The following PKIG variants were observed in gnomAD, a reference collection of about 807,000 sequenced individuals.
PKIG encodes the protein cAMP-dependent protein kinase inhibitor gamma, also known as protein kinase (cAMP-dependent, catalytic) inhibitor gamma.
In PKIG, 1 loss-of-function variant was observed where a neutral mutation model predicts 6.8. The observed-to-expected ratio is 0.15, with a 90% CI of 0.05 to 0.69. The LOEUF (loss-of-function observed/expected upper bound fraction) is 0.69, where lower values mean the gene tolerates loss of function less well. PKIG is among the 30% of genes least tolerant of loss of function. The pLI, the probability that PKIG is intolerant of heterozygous loss-of-function variation, is 0.82. For missense variants in PKIG, 77 were observed against 104.0 expected, an observed-to-expected ratio of 0.74 and a Z score of 1.13; for synonymous variants, 39 against 43.0, an observed-to-expected ratio of 0.91 and a Z score of 0.36.
chr20:44,532,047 G>A (rs2064470722), intron 1 of PKIG: 1 of 152,234 alleles, frequency 6.6e-6, no homozygotes, highest in African/African-American at 2.4e-5. Flanking sequence ...GTCGCAGGGG[G>A]CGAGGGGCTG....
At chr20:44,547,073 G>A (rs1223379661) in intron 1 of PKIG, among the ~76,000 whole-genome samples, 19 of 152,080 alleles carry the variant, frequency 1.2e-4, no homozygotes, top group Admixed American at 1.2e-3. Context: ...TCCTTCCTTG[G>A]ACCTCTGTAC....
At chr20:44,545,179 A>G (rs1190262606) in intron 1 of PKIG, among the ~76,000 whole-genome samples, 2 of 151,478 alleles carry the variant, frequency 1.3e-5, no homozygotes, top group Non-Finnish European at 2.9e-5. Context: ...CAGGTGATCC[A>G]CCCACCTTGG....
upstream of PKIG, among the ~76,000 whole-genome samples, chr20:44,579,307 G>A (rs1206736074): frequency 6.6e-6 from 1 of 152,320 alleles, no homozygotes; most frequent in Non-Finnish European, 1.5e-5. Flanking sequence ...GGGGTAAAAG[G>A]TGGAATTAAA....
intron 2 of PKIG, among the ~76,000 whole-genome samples, chr20:44,590,170 G>C (rs1271750719): frequency 1.3e-5 from 2 of 152,146 alleles, no homozygotes; most frequent in Non-Finnish European, 2.9e-5. Flanking sequence ...GCTTAAGCAG[G>C]TGGAATCATA....
intron 1 of PKIG, among the ~76,000 whole-genome samples, chr20:44,545,508 T>C (rs933637731): frequency 2.0e-5 from 3 of 151,590 alleles, no homozygotes; most frequent in Non-Finnish European, 2.9e-5. Context: ...TCTGAAAAGA[T>C]TGAAGAAAAA....
chr20:44,555,178 C>A (rs901131511), intron 1 of PKIG, among the ~76,000 whole-genome samples: 1 of 152,126 alleles, frequency 6.6e-6, no homozygotes, highest in African/African-American at 2.4e-5. Flanking sequence ...GAATTATCGT[C>A]AGTATTAGAA....
chr20:44,598,044 T>G (rs1444472605), intron 2 of PKIG, among the ~76,000 whole-genome samples: 1 of 152,230 alleles, frequency 6.6e-6, no homozygotes, highest in East Asian at 1.9e-4. Context: ...GCTTGGATCT[T>G]TTATGCAGTT....
chr20:44,537,758 T>G (rs1333752349), intron 1 of PKIG, among the ~76,000 whole-genome samples: 13 of 149,688 alleles, frequency 8.7e-5, no homozygotes, highest in Admixed American at 6.0e-4. Flanking sequence ...TTTTTTTTTT[T>G]CATTTTTAGT....
Position 44,611,520 on chromosome 20 carries a change from C to CT in PKIG, c.-23-2998dup, listed in dbSNP as rs1330858238. ...GTTGTATTCTCTCCTTCTATATCAA[C>CT]TTTTTTTTTTTTTTTTGACAGAGTT... On this transcript the variant is annotated intron_variant, in intron 2 of 3. Coordinates refer to ENST00000372886, the MANE Select transcript of PKIG (RefSeq NM_001281445.2). Among the ~76,000 whole-genome samples, 547 of 141,470 alleles carry CT rather than the reference C, an allele frequency of 3.9e-3. 5 individuals are homozygous for CT. The highest frequency in any genetic ancestry group is 8.4e-3 in the East Asian group (41 of 4,900). 92.8% of individuals were successfully genotyped at this position (141,470 alleles called of 152,430 possible). A position where few individuals can be genotyped will look rare whatever the true frequency, so the allele number is the denominator to read the frequency against.
At chr20:44,556,951 A>T (rs555647390) in intron 1 of PKIG, among the ~76,000 whole-genome samples, 1 of 152,338 alleles carries the variant, frequency 6.6e-6, no homozygotes, top group South Asian at 2.1e-4. Context: ...TCATTATTCA[A>T]GCCTTCCAGG....
intron 1 of PKIG, among the ~76,000 whole-genome samples, chr20:44,533,676 G>T (rs914479488): frequency 2.6e-5 from 4 of 151,748 alleles, no homozygotes; most frequent in Non-Finnish European, 4.4e-5. Context: ...CATCCAGAGA[G>T]GTTGACAAAA....
rs931141937 is a variant in PKIG, at chr20:44,619,006, A to G, written c.*642A>G. 1.3e-5 allele frequency: 2 copies of G among 153,826 alleles called. No individual in the cohort carries two copies. Among genetic ancestry groups the G allele is most frequent in the Admixed American group, 1.3e-4 (2 of 15,406 alleles). 9.5% of individuals were successfully genotyped at this position (153,826 alleles called of 1,614,324 possible). ...TCCACCAGGATAAGTGACACCTAGG[A>G]CCCAGGAAATAAATGCCGATGATTT... On this transcript the variant is annotated 3_prime_UTR_variant, in exon 4 of 4. Coordinates refer to ENST00000372886, the MANE Select transcript of PKIG (RefSeq NM_001281445.2).
At chr20:44,615,228 A>G (rs1327451354) in intron 3 of PKIG, among the ~76,000 whole-genome samples, 1 of 151,864 alleles carries the variant, frequency 6.6e-6, no homozygotes, top group Non-Finnish European at 1.5e-5. Context: ...GCCCTGCCCA[A>G]GTCTCACCCG....
intron 1 of PKIG, among the ~76,000 whole-genome samples, chr20:44,557,446 A>G (rs2064722814): frequency 6.6e-6 from 1 of 150,514 alleles, no homozygotes; most frequent in Non-Finnish European, 1.5e-5. Context: ...GAATTGCGTG[A>G]ACCTGGGAGG....
At chr20:44,609,988 G>A (rs1437423249) in intron 2 of PKIG, among the ~76,000 whole-genome samples, 1 of 152,192 alleles carries the variant, frequency 6.6e-6, no homozygotes, top group Non-Finnish European at 1.5e-5. Flanking sequence ...ATTATCATAA[G>A]CCATTTTCCT....
At chr20:44,545,787 C>T (rs2064608223) in intron 1 of PKIG, among the ~76,000 whole-genome samples, 1 of 152,092 alleles carries the variant, frequency 6.6e-6, no homozygotes, top group Non-Finnish European at 1.5e-5. Context: ...TGTACTTACT[C>T]CAGCCTGGGA....
At chr20:44,608,743 T>C (rs976880092) in intron 2 of PKIG, among the ~76,000 whole-genome samples, 13 of 150,874 alleles carry the variant, frequency 8.6e-5, no homozygotes, top group African/African-American at 3.2e-4. Context: ...GAGGCTACAG[T>C]GAGCCATGAT....
chr20:44,546,671 GC>G (rs1351626305), intron 1 of PKIG, among the ~76,000 whole-genome samples: 2 of 151,120 alleles, frequency 1.3e-5, no homozygotes, highest in African/African-American at 4.9e-5. Context: ...TCCTGCCTCA[GC>G]CCCCCGGGTA....
chr20:44,546,284 G>A (rs2064613127), intron 1 of PKIG, among the ~76,000 whole-genome samples: 1 of 151,920 alleles, frequency 6.6e-6, no homozygotes, highest in African/African-American at 2.4e-5. Context: ...GAGAGGAGAG[G>A]CTTTCATCCC....
Sources: allele counts gnomAD v4.1 joint callset (sites outside exome capture counted in the v4.1 genomes callset), GRCh38; gene constraint gnomAD v4.1.1; transcripts MANE v1.5; gene names NCBI Gene and HGNC (gene_info 2026-07-23, HGNC 2026-07-21).